Variants in CD247 observed in about 807,000 individuals in gnomAD.
CD247 encodes the protein T-cell surface glycoprotein CD3 zeta chain.
In CD247, 13 loss-of-function variants were observed where a neutral mutation model predicts 30.0. The observed-to-expected ratio is 0.43, with a 90% CI of 0.28 to 0.69. CD247 has a LOEUF of 0.69. Among genes scored for constraint, CD247 ranks in the 30% least tolerant of loss-of-function variants. The probability of loss-of-function intolerance (pLI) is 0.16; values close to 1 mark genes in which losing one functional copy is unlikely to be tolerated. For missense variants in CD247, 193 were observed against 212.6 expected, an observed-to-expected ratio of 0.91 and a Z score of 0.57; for synonymous variants, 72 against 80.0, an observed-to-expected ratio of 0.90 and a Z score of 0.53.
rs116682313 is a variant in CD247, at chr1:167,496,752, G to A, written c.58+21656C>T. 6.9e-3 allele frequency among the ~76,000 whole-genome samples: 1,044 copies of A among 152,270 alleles called. 7 individuals are homozygous for A. Among genetic ancestry groups the A allele is most frequent in the Non-Finnish European group, 0.011 (732 of 68,024 alleles). On this transcript the variant is annotated intron_variant, in intron 1 of 7. Transcript: ENST00000362089. ...AAGAAGTCTAATCAGGGACTGAGTC[G>A]GTTAGAAGTTTAAGGATTGTTCCTA...
At chr1:167,485,800 C>T (rs1654181577) in intron 1 of CD247, among the ~76,000 whole-genome samples, 1 of 152,128 alleles carries the variant, frequency 6.6e-6, no homozygotes, top group African/African-American at 2.4e-5. Context: ...TTAACTATTT[C>T]CCACCAAAAC....
intron 1 of CD247, among the ~76,000 whole-genome samples, chr1:167,460,580 C>T (rs1456544984): frequency 1.3e-5 from 2 of 152,104 alleles, no homozygotes; most frequent in Non-Finnish European, 1.5e-5. Flanking sequence ...CCCACGGCCT[C>T]GGCGAGTTAT....
chr1:167,481,269 A>G (rs1411514025), intron 1 of CD247, among the ~76,000 whole-genome samples: 1 of 152,238 alleles, frequency 6.6e-6, no homozygotes, highest in Admixed American at 6.5e-5. Context: ...GCTGGGCAAC[A>G]GAGAGAGACT....
At chr1:167,442,713 G>T (rs1208647783) in intron 1 of CD247, among the ~76,000 whole-genome samples, 1 of 152,076 alleles carries the variant, frequency 6.6e-6, no homozygotes, top group Admixed American at 6.6e-5. Flanking sequence ...AAAGGCAGCC[G>T]CCAGTGTCCC....
At chr1:167,449,144 C>CTTCTCTTTTTTTT in intron 1 of CD247, among the ~76,000 whole-genome samples, 1 of 37,980 alleles carries the variant, frequency 2.6e-5, no homozygotes, top group East Asian at 1.3e-3. Context: ...GATCATTTTT[C>CTTCTCTTTTTTTT]TTTTCTTTTT....
intron 1 of CD247, among the ~76,000 whole-genome samples, chr1:167,512,944 T>C (rs1240954921): frequency 6.6e-6 from 1 of 152,242 alleles, no homozygotes; most frequent in African/African-American, 2.4e-5. Context: ...CTTGATGGGA[T>C]TGTTTTCAAC....
At chr1:167,434,677 C>A in intron 5 of CD247, 1 of 415,440 alleles carries the variant, frequency 2.4e-6, no homozygotes, top group South Asian at 1.8e-5. Context: ...CTCGTCCTTG[C>A]CTAGCTTGAC....
chr1:167,509,141 T>A (rs858549), intron 1 of CD247, among the ~76,000 whole-genome samples: 1 of 151,926 alleles, frequency 6.6e-6, no homozygotes, highest in Non-Finnish European at 1.5e-5. Flanking sequence ...CCGAGGCAGG[T>A]GGATCACTTG....
At position 167,431,243 on chromosome 1, in the gene CD247, G is replaced by A. The variant is rs1023734229; in HGVS notation, c.*438C>T. ...ACAGTTACCTTGAAAGGAGGTGAAG[G>A]TGACAACAGAAGCCAAATTTACAGC... On this transcript the variant is annotated 3_prime_UTR_variant, in exon 8 of 8. Coordinates refer to ENST00000362089, the MANE Select transcript of CD247 (RefSeq NM_198053.3). 20 of 511,094 alleles carry A rather than the reference G, an allele frequency of 3.9e-5. No homozygotes were observed. Among genetic ancestry groups the A allele is most frequent in the Non-Finnish European group, 6.8e-5 (20 of 292,244 alleles). 31.7% of individuals were successfully genotyped at this position (511,094 alleles called of 1,614,324 possible). A position where few individuals can be genotyped will look rare whatever the true frequency, so the allele number is the denominator to read the frequency against.
At chr1:167,439,457 G>C in intron 2 of CD247, 57 bp from the exon 3 acceptor site, 2 of 1,544,250 alleles carry the variant, frequency 1.3e-6, no homozygotes, top group African/African-American at 1.4e-5. Context: ...AGGGGAGCCG[G>C]GGTGCCAGGG....
At chr1:167,458,689 C>CTTTTTTTTTTTTTTTTTTTT (rs3070395) in intron 1 of CD247, 3 of 95,426 alleles carry the variant, frequency 3.1e-5, no homozygotes, top group African/African-American at 1.4e-4. Flanking sequence ...TTCTTTCTTT[C>CTTTTTTTTTTTTTTTTTTTT]TTTTTTTTTT....
At chr1:167,455,831 G>T (rs901716707) in intron 1 of CD247, among the ~76,000 whole-genome samples, 7 of 152,224 alleles carry the variant, frequency 4.6e-5, no homozygotes, top group African/African-American at 1.7e-4. Flanking sequence ...AGACAGGCAA[G>T]GAGAGGGACC....
intron 1 of CD247, among the ~76,000 whole-genome samples, chr1:167,515,861 T>C (rs1204303318): frequency 6.6e-6 from 1 of 152,236 alleles, no homozygotes; most frequent in African/African-American, 2.4e-5. Flanking sequence ...GATGTAATAA[T>C]AGTAATAGTA....
chr1:167,433,327 C>T (rs1651366361), intron 6 of CD247, among the ~76,000 whole-genome samples: 1 of 152,214 alleles, frequency 6.6e-6, no homozygotes, highest in East Asian at 1.9e-4. Flanking sequence ...AGGTCTAGGG[C>T]CCGCAGGACC....
At chr1:167,466,155 T>C (rs2995092) in intron 1 of CD247, among the ~76,000 whole-genome samples, 152,351 of 152,384 alleles carry the variant, frequency 1, 76,160 homozygotes, top group Middle Eastern at 1. Flanking sequence ...TAATTAACTT[T>C]ATCAGGGATT....
chr1:167,436,099 A>C (rs1651533831), intron 4 of CD247, among the ~76,000 whole-genome samples: 1 of 152,204 alleles, frequency 6.6e-6, no homozygotes, highest in Non-Finnish European at 1.5e-5. Context: ...TTAACAACAC[A>C]TTAAAAGGAT....
At chr1:167,476,830 T>C (rs1037476186) in intron 1 of CD247, among the ~76,000 whole-genome samples, 3 of 152,128 alleles carry the variant, frequency 2.0e-5, no homozygotes, top group Non-Finnish European at 2.9e-5. Flanking sequence ...CTAACACATA[T>C]AGAAGGTTTA....
At chr1:167,511,163 T>G (rs571217637) in intron 1 of CD247, among the ~76,000 whole-genome samples, 131 of 152,290 alleles carry the variant, frequency 8.6e-4, no homozygotes, top group African/African-American at 2.9e-3. Context: ...GAGGAGTTAG[T>G]GAAAAAACAA....
chr1:167,462,752 G>C (rs1653080527), intron 1 of CD247, among the ~76,000 whole-genome samples: 1 of 152,136 alleles, frequency 6.6e-6, no homozygotes, highest in Non-Finnish European at 1.5e-5. Context: ...CCCTGGAAAA[G>C]TCTGCCCTCC....
Sources: allele counts gnomAD v4.1 joint callset (sites outside exome capture counted in the v4.1 genomes callset), GRCh38; gene constraint gnomAD v4.1.1; transcripts MANE v1.5; gene names NCBI Gene and HGNC (gene_info 2026-07-23, HGNC 2026-07-21).